TRABD2B: variants seen among roughly 807,000 people sequenced by gnomAD.
TRABD2B encodes TraB domain containing 2B, also known as metalloprotease TIKI2.
In TRABD2B, 14 loss-of-function variants were observed where a neutral mutation model predicts 40.1. That is an observed-to-expected ratio of 0.35 (90% CI 0.23 to 0.55). The LOEUF is 0.55. TRABD2B is among the 20% of genes least tolerant of loss of function. The pLI is 0.90. For synonymous variants in TRABD2B, 263 were observed against 277.0 expected (o/e 0.95, Z 0.50); for missense variants, 541 against 648.6 (o/e 0.83, Z 1.80).
chr1:47,796,258 C>T (rs192371760), intron 3 of TRABD2B, among the ~76,000 whole-genome samples: 115 of 152,312 alleles, frequency 7.6e-4, no homozygotes, highest in Non-Finnish European at 1.0e-3. Context: ...GTCATTCCAA[C>T]CTCCAAGCTC....
chr1:47,766,711 G>A (rs982091675), intron 6 of TRABD2B, among the ~76,000 whole-genome samples: 9 of 152,276 alleles, frequency 5.9e-5, no homozygotes, highest in Admixed American at 2.0e-4. Flanking sequence ...GGTGGCTGGC[G>A]GGGAGGCTAC....
chr1:47,796,640 G>C (rs1644752148), intron 3 of TRABD2B, among the ~76,000 whole-genome samples: 1 of 152,230 alleles, frequency 6.6e-6, no homozygotes, highest in African/African-American at 2.4e-5. Context: ...TTCTCTGCCA[G>C]AAAGGCCTGA....
At position 47,789,469 on chromosome 1, in the gene TRABD2B, G is replaced by A. The variant is rs184674465; in HGVS notation, c.988+5117C>T. 2.7e-3 allele frequency among the ~76,000 whole-genome samples: 410 copies of A among 152,202 alleles called. 3 individuals are homozygous for A. The highest frequency in any genetic ancestry group is 3.4e-3 in the Non-Finnish European group (230 of 68,014). On this transcript the variant is annotated intron_variant, in intron 4 of 6. Transcript: ENST00000606738. ...CGACTTTATCATCTTATACCATAAC[G>A]TTCCAGGCAGGTGCTACCAATCAAT...
At chr1:47,949,154 T>C (rs1457987405) in intron 2 of TRABD2B, among the ~76,000 whole-genome samples, 1 of 152,198 alleles carries the variant, frequency 6.6e-6, no homozygotes, top group Non-Finnish European at 1.5e-5. Flanking sequence ...AATGCTACTA[T>C]GATGCATGCT....
intron 2 of TRABD2B, among the ~76,000 whole-genome samples, chr1:47,826,166 T>A (rs1645171083): frequency 6.6e-6 from 1 of 152,162 alleles, no homozygotes; most frequent in Admixed American, 6.5e-5. Flanking sequence ...CCATCACACA[T>A]ACATCAAGGC....
At chr1:47,812,856 T>A (rs1055060167) in intron 2 of TRABD2B, among the ~76,000 whole-genome samples, 1 of 152,174 alleles carries the variant, frequency 6.6e-6, no homozygotes, top group African/African-American at 2.4e-5. Context: ...TCTCATGCCA[T>A]GGACCATGCA....
At position 47,843,312 on chromosome 1, in the gene TRABD2B, G is replaced by A. The variant is rs113708894; in HGVS notation, c.667-41693C>T. ...GCAGACGCAGGGACCCTGGTCCAGC[G>A]GCTTATGAGAGAAGGGGAGAAAGTG... On this transcript the variant is annotated intron_variant, in intron 2 of 6. Transcript: ENST00000606738. Among the ~76,000 whole-genome samples the A allele has an allele frequency of 8.5e-5, 13 of 152,310 alleles. 3 individuals are homozygous for A. The highest frequency in any genetic ancestry group is 3.9e-4 in the East Asian group (2 of 5,176).
chr1:47,823,209 T>C (rs1440405794), intron 2 of TRABD2B, among the ~76,000 whole-genome samples: 1 of 152,174 alleles, frequency 6.6e-6, no homozygotes, highest in African/African-American at 2.4e-5. Context: ...TGTAGCTGCA[T>C]GGGGGAGGCA....
intron 2 of TRABD2B, among the ~76,000 whole-genome samples, chr1:47,877,659 A>T (rs1200208008): frequency 2.6e-5 from 4 of 152,198 alleles, no homozygotes; most frequent in East Asian, 1.9e-4. Flanking sequence ...ACCTGAAGGG[A>T]TGTGTGTAGT....
Position 47,997,018 on chromosome 1 carries a change from C to T in TRABD2B, c.-229G>A, listed in dbSNP as rs1163317218. On this transcript the variant is annotated 5_prime_UTR_variant, in exon 1 of 7. Transcript: ENST00000606738. Reference sequence around the variant, plus strand: ...ACCCTCTAGGGCTGGGCCCCTCCCCCGGGCGCTCAACCTCGCTGGCCGAGC... The same window carrying T: ...ACCCTCTAGGGCTGGGCCCCTCCCCTGGGCGCTCAACCTCGCTGGCCGAGC... 2 of 1,069,896 alleles carry T rather than the reference C, an allele frequency of 1.9e-6. No homozygotes were observed. Among genetic ancestry groups the T allele is most frequent in the African/African-American group, 1.7e-5 (1 of 59,274 alleles). The allele number at this position is 1,069,896 out of a possible 1,614,324, so 66.3% of individuals were successfully genotyped here. A position where few individuals can be genotyped will look rare whatever the true frequency, so the allele number is the denominator to read the frequency against.
intron 2 of TRABD2B, among the ~76,000 whole-genome samples, chr1:47,831,668 C>T (rs576596404): frequency 9.2e-5 from 14 of 152,228 alleles, no homozygotes; most frequent in Admixed American, 1.3e-4. Context: ...AAGTCGAAGC[C>T]GTGGAGGATG....
At chr1:47,811,541 C>T (rs1190537020) in intron 2 of TRABD2B, among the ~76,000 whole-genome samples, 1 of 152,168 alleles carries the variant, frequency 6.6e-6, no homozygotes, top group Non-Finnish European at 1.5e-5. Flanking sequence ...CAAGTCATGC[C>T]AGGAAATGCT....
intron 2 of TRABD2B, among the ~76,000 whole-genome samples, chr1:47,853,799 A>G (rs1235665512): frequency 6.6e-6 from 1 of 152,162 alleles, no homozygotes; most frequent in African/African-American, 2.4e-5. Flanking sequence ...GAAAACCATA[A>G]CAAGACTTCT....
In TRABD2B at chr1:47,827,104, G is replaced by A. The variant is rs572353838; in HGVS notation, c.667-25485C>T. Among the ~76,000 whole-genome samples the A allele has an allele frequency of 2.6e-4, 40 of 152,264 alleles. 1 individual carries two copies. The highest frequency in any genetic ancestry group is 6.5e-5 in the Admixed American group (1 of 15,294). On this transcript the variant is annotated intron_variant, in intron 2 of 6. Transcript: ENST00000606738. ...GGTGGGGAGGGCGAGGATGCAGCAC[G>A]GGCCTCGCTGGGGCTGCCAGGGATG...
intron 2 of TRABD2B, among the ~76,000 whole-genome samples, chr1:47,847,846 A>G (rs1161406351): frequency 2.0e-5 from 3 of 152,210 alleles, no homozygotes; most frequent in Non-Finnish European, 4.4e-5. Flanking sequence ...TAAAACTCAT[A>G]TGGCACGTTA....
intron 2 of TRABD2B, among the ~76,000 whole-genome samples, chr1:47,928,413 T>C (rs1438295843): frequency 2.0e-5 from 3 of 152,254 alleles, no homozygotes; most frequent in African/African-American, 4.8e-5. Flanking sequence ...AGATGATGCA[T>C]CAGATGCCTT....
intron 2 of TRABD2B, among the ~76,000 whole-genome samples, chr1:47,898,568 T>C (rs147930457): frequency 3.9e-5 from 6 of 152,298 alleles, no homozygotes; most frequent in East Asian, 3.9e-4. Context: ...GAAAGAACCT[T>C]GATGGTCATA....
At chr1:47,931,381 C>T (rs1393121199) in intron 2 of TRABD2B, among the ~76,000 whole-genome samples, 12 of 152,128 alleles carry the variant, frequency 7.9e-5, no homozygotes, top group Admixed American at 7.2e-4. Flanking sequence ...ATGTTTTCTC[C>T]ATCTGGACAC....
chr1:47,825,315 TC>T (rs1645160479), intron 2 of TRABD2B, among the ~76,000 whole-genome samples: 1 of 152,308 alleles, frequency 6.6e-6, no homozygotes, highest in East Asian at 1.9e-4. Flanking sequence ...ACTGCCTTGC[TC>T]CAAAGCCCCG....
Sources: gnomAD v4.1 joint callset for allele counts (sites outside exome capture counted in the v4.1 genomes callset) on GRCh38, gnomAD v4.1.1 for gene constraint, MANE v1.5 for transcripts, NCBI Gene and HGNC (gene_info 2026-07-23, HGNC 2026-07-21) for gene names.